MAPRE2: variants seen among roughly 807,000 people sequenced by gnomAD.
The protein encoded by MAPRE2 is microtubule-associated protein RP/EB family member 2.
MAPRE2 carries 13 observed loss-of-function variants against 43.2 expected under a neutral mutation model. The ratio of observed to expected loss-of-function variants is 0.30; its 90% CI spans 0.20 to 0.48. MAPRE2 has a LOEUF of 0.48. Ranked by LOEUF, MAPRE2 falls within the 20% of genes least tolerant of loss-of-function variation. The pLI is 0.99. For missense variants in MAPRE2, 161 were observed against 400.2 expected (o/e 0.40, Z 5.10); for synonymous variants, 135 against 148.8 (o/e 0.91, Z 0.68).
chr18:35,074,327 T>G lies in MAPRE2; in HGVS notation c.250+4005T>G, dbSNP rs575379349. Among the ~76,000 whole-genome samples, 4 of 152,278 alleles carry G rather than the reference T, an allele frequency of 2.6e-5. No homozygotes were observed. The South Asian group carries it at 8.3e-4, about 32-fold the overall frequency. ...TTTTTGCTTTAGTACTAGCTCAAAC[T>G]AATTTACTAAATCTTTTATAAGGTA... On this transcript the variant is annotated intron_variant, in intron 2 of 6. Transcript: ENST00000300249.
At chr18:35,077,904 A>G (rs1907448061) in intron 2 of MAPRE2, among the ~76,000 whole-genome samples, 1 of 152,248 alleles carries the variant, frequency 6.6e-6, no homozygotes, top group South Asian at 2.1e-4. Context: ...ATCTTTCAAC[A>G]TATTGAAAGT....
At chr18:35,096,962 CATATGTGT>C (rs1908454852) in intron 2 of MAPRE2, among the ~76,000 whole-genome samples, 1 of 152,288 alleles carries the variant, frequency 6.6e-6, no homozygotes, top group East Asian at 1.9e-4. Flanking sequence ...ACAGCTTGAG[CATATGTGT>C]ATTTTTTGAG....
At chr18:35,136,283 T>A (rs996926846) in intron 6 of MAPRE2, among the ~76,000 whole-genome samples, 3 of 152,192 alleles carry the variant, frequency 2.0e-5, no homozygotes, top group Non-Finnish European at 2.9e-5. Flanking sequence ...GGGCACCAGC[T>A]TATGAACAGT....
chr18:35,084,303 C>G (rs1361407229), intron 2 of MAPRE2, among the ~76,000 whole-genome samples: 1 of 152,078 alleles, frequency 6.6e-6, no homozygotes, highest in African/African-American at 2.4e-5. Flanking sequence ...AATAACATTA[C>G]TTTTTAAAAA....
At chr18:35,137,737 C>G (rs924059119) in intron 6 of MAPRE2, among the ~76,000 whole-genome samples, 4 of 152,126 alleles carry the variant, frequency 2.6e-5, no homozygotes, top group Admixed American at 6.6e-5. Context: ...GTGTAGCCAC[C>G]CAGCAAGAAC....
intron 4 of MAPRE2, among the ~76,000 whole-genome samples, chr18:35,126,732 C>T (rs1909920782): frequency 6.6e-6 from 1 of 151,728 alleles, no homozygotes; most frequent in Non-Finnish European, 1.5e-5. Flanking sequence ...AAAAAAAAAA[C>T]AGCACTCACA....
chr18:35,066,603 G>T (rs1335035743), intron 1 of MAPRE2, among the ~76,000 whole-genome samples: 1 of 152,184 alleles, frequency 6.6e-6, no homozygotes, highest in Non-Finnish European at 1.5e-5. Context: ...TTAACTATAT[G>T]GAAAGCATAC....
rs73946518 is a variant in MAPRE2, at chr18:35,087,260, T to C, written c.251-10186T>C. ...AGACAGTGTAGAAAGAATAGTTTTTTCCCCCCTACTTATTTCCAGATCATT... is the reference window on the plus strand; with the variant it reads ...AGACAGTGTAGAAAGAATAGTTTTTCCCCCCCTACTTATTTCCAGATCATT... On this transcript the variant is annotated intron_variant, in intron 2 of 6. Transcript: ENST00000300249. Among the ~76,000 whole-genome samples the C allele has an allele frequency of 3.8e-3, 577 of 151,436 alleles. 4 individuals are homozygous for C. The highest frequency in any genetic ancestry group is 0.014 in the African/African-American group (561 of 40,836).
chr18:34,994,476 C>T (rs909770099), intron 1 of MAPRE2, among the ~76,000 whole-genome samples: 2 of 151,304 alleles, frequency 1.3e-5, no homozygotes, highest in African/African-American at 4.9e-5. Context: ...TCATGTATTA[C>T]AGAAGAGGCA....
At chr18:35,126,481 T>TA (rs1471139116) in intron 4 of MAPRE2, among the ~76,000 whole-genome samples, 5 of 152,240 alleles carry the variant, frequency 3.3e-5, no homozygotes, top group African/African-American at 1.2e-4. Flanking sequence ...TTAGGTACTT[T>TA]AGTGGCTAAA....
intron 1 of MAPRE2, among the ~76,000 whole-genome samples, chr18:34,987,043 C>G (rs7245165): frequency 2.0e-5 from 3 of 151,870 alleles, no homozygotes; most frequent in African/African-American, 7.3e-5. Flanking sequence ...GGAAAAAAAG[C>G]CATTAACTGA....
chr18:35,139,245 C>A (rs369588198), intron 6 of MAPRE2, among the ~76,000 whole-genome samples: 4 of 152,194 alleles, frequency 2.6e-5, no homozygotes, highest in African/African-American at 9.7e-5. Context: ...CGGGAGCCAG[C>A]GTGCCAGGTG....
chr18:35,039,271 A>G (rs2097052318), upstream of MAPRE2, among the ~76,000 whole-genome samples: 1 of 152,372 alleles, frequency 6.6e-6, no homozygotes, highest in African/African-American at 2.4e-5. Flanking sequence ...GAAGCAAATT[A>G]GTAAGGAAAT....
In MAPRE2 at chr18:35,111,543, T is replaced by C. The variant is rs569072041; in HGVS notation, c.610+9384T>C. 1.1e-4 allele frequency among the ~76,000 whole-genome samples: 16 copies of C among 152,320 alleles called. No individual in the cohort carries two copies. The East Asian group carries it at 3.1e-3, about 29-fold the overall frequency. On this transcript the variant is annotated intron_variant, in intron 4 of 6. Transcript: ENST00000300249. ...GCTCTGAAGACTGGATTTTGTTATA[T>C]TGCTGTAAAGAGGGTTGATGCTTGT...
intron 1 of MAPRE2, among the ~76,000 whole-genome samples, chr18:35,059,873 G>A (rs1906433177): frequency 6.6e-6 from 1 of 152,192 alleles, no homozygotes; most frequent in Non-Finnish European, 1.5e-5. Context: ...ATTATGAGAA[G>A]ATTTAGAAAA....
intron 1 of MAPRE2, among the ~76,000 whole-genome samples, chr18:35,051,413 G>A (rs1292196806): frequency 6.6e-6 from 1 of 152,178 alleles, no homozygotes; most frequent in Non-Finnish European, 1.5e-5. Context: ...TTGGGTTTGG[G>A]AAGCCAATTT....
intron 2 of MAPRE2, among the ~76,000 whole-genome samples, chr18:35,075,098 A>T (rs1047250979): frequency 6.6e-6 from 1 of 151,896 alleles, no homozygotes; most frequent in African/African-American, 2.4e-5. Flanking sequence ...CTTCCAGGAG[A>T]GCTTCTGAAT....
At chr18:35,137,072 C>T (rs560935366) in intron 6 of MAPRE2, among the ~76,000 whole-genome samples, 3 of 152,310 alleles carry the variant, frequency 2.0e-5, no homozygotes, top group South Asian at 2.1e-4. Context: ...ATTGTGTGGG[C>T]TGTGAGCTCT....
At chr18:35,030,719 T>C (rs559422096) in intron 2 of MAPRE2, among the ~76,000 whole-genome samples, 1 of 151,948 alleles carries the variant, frequency 6.6e-6, no homozygotes, top group South Asian at 2.1e-4. Context: ...TAACTTTGGT[T>C]TTAAGCCAAG....
Sources: gnomAD v4.1 joint callset for allele counts (sites outside exome capture counted in the v4.1 genomes callset) on GRCh38, gnomAD v4.1.1 for gene constraint, MANE v1.5 for transcripts, NCBI Gene and HGNC (gene_info 2026-07-23, HGNC 2026-07-21) for gene names.